The following TRPC4 variants were observed in gnomAD, a reference collection of about 807,000 sequenced individuals.
The protein encoded by TRPC4 is short transient receptor potential channel 4.
TRPC4 carries 49 observed loss-of-function variants against 99.4 expected under a neutral mutation model. The observed-to-expected ratio is 0.49, with a 90% CI of 0.39 to 0.63. The LOEUF is 0.63. Ranked by LOEUF, TRPC4 falls within the 20% of genes least tolerant of loss-of-function variation. The pLI is 0.00. For synonymous variants in TRPC4, 454 were observed against 425.9 expected (o/e 1.07, Z -0.81); for missense variants, 898 against 1,152.9 (o/e 0.78, Z 3.20).
At chr13:37,736,504 G>T (rs567185661) in intron 3 of TRPC4, among the ~76,000 whole-genome samples, 1 of 151,932 alleles carries the variant, frequency 6.6e-6, no homozygotes, top group Non-Finnish European at 1.5e-5. Flanking sequence ...AGGTTCAAAG[G>T]GCATACATAA....
intron 7 of TRPC4, among the ~76,000 whole-genome samples, chr13:37,653,301 T>C (rs1952110074): frequency 6.6e-6 from 1 of 152,166 alleles, no homozygotes; most frequent in Admixed American, 6.6e-5. Flanking sequence ...AAGCAGTCTT[T>C]AGTTGGGGCC....
At chr13:37,694,732 C>T (rs761652451) in intron 3 of TRPC4, among the ~76,000 whole-genome samples, 14 of 152,032 alleles carry the variant, frequency 9.2e-5, no homozygotes, top group Non-Finnish European at 1.9e-4. Flanking sequence ...TAAACACAGA[C>T]ACAGGGAGGT....
chr13:37,720,305 C>A (rs954460827), intron 3 of TRPC4, among the ~76,000 whole-genome samples: 10 of 152,020 alleles, frequency 6.6e-5, no homozygotes, highest in African/African-American at 2.4e-4. Flanking sequence ...CTGAAAGCAA[C>A]CACTAAAATA....
At position 37,766,832 on chromosome 13, in the gene TRPC4, G is replaced by A. The variant is rs930556056; in HGVS notation, c.378+16124C>T. 3.3e-5 allele frequency among the ~76,000 whole-genome samples: 5 copies of A among 151,386 alleles called. No homozygotes were observed. In the East Asian group the frequency reaches 9.8e-4, roughly 30 times the overall value. ...ACTGACTGTCTACTCACAGGACTAA[G>A]TGACCTTAATATGATGAAAGTGCTT... On this transcript the variant is annotated intron_variant, in intron 2 of 10. Transcript: ENST00000379705.
At position 37,701,429 on chromosome 13, in the gene TRPC4, C is replaced by T. The variant is rs555587464; in HGVS notation, c.898-9094G>A. Reference sequence around the variant, plus strand: ...TTTACAAGGATTATTGAGTAATCAGCTTCCCTCTCTCATTCTTTTTTTAAA... The same window carrying T: ...TTTACAAGGATTATTGAGTAATCAGTTTCCCTCTCTCATTCTTTTTTTAAA... On this transcript the variant is annotated intron_variant, in intron 3 of 10. Coordinates refer to ENST00000379705, the MANE Select transcript of TRPC4 (RefSeq NM_016179.4). 2.0e-5 allele frequency among the ~76,000 whole-genome samples: 3 copies of T among 152,200 alleles called. No homozygotes were observed. In the South Asian group the frequency reaches 6.2e-4, roughly 32 times the overall value.
intron 3 of TRPC4, among the ~76,000 whole-genome samples, chr13:37,694,480 T>C (rs1953843596): frequency 6.6e-6 from 1 of 152,184 alleles, no homozygotes. Flanking sequence ...AAGAACTTTC[T>C]TAGGAGAATT....
chr13:37,680,612 G>T (rs1198454579), intron 4 of TRPC4, among the ~76,000 whole-genome samples: 2 of 152,112 alleles, frequency 1.3e-5, no homozygotes, highest in African/African-American at 2.4e-5. Context: ...GACTTGCTCT[G>T]GTCTGCCCCA....
intron 2 of TRPC4, among the ~76,000 whole-genome samples, chr13:37,770,578 C>T (rs960902872): frequency 6.6e-6 from 1 of 151,472 alleles, no homozygotes; most frequent in Admixed American, 6.6e-5. Context: ...TAAGCTAGAT[C>T]TATACTTTCT....
At chr13:37,729,629 C>T (rs933567837) in intron 3 of TRPC4, among the ~76,000 whole-genome samples, 4 of 152,010 alleles carry the variant, frequency 2.6e-5, no homozygotes, top group African/African-American at 9.7e-5. Flanking sequence ...GTGGTAAATA[C>T]ATACAATGGA....
At chr13:37,864,320 C>G (rs1959594204) in intron 1 of TRPC4, among the ~76,000 whole-genome samples, 1 of 151,532 alleles carries the variant, frequency 6.6e-6, no homozygotes, top group Non-Finnish European at 1.5e-5. Flanking sequence ...CACAGTACCA[C>G]TTAAACTGAA....
chr13:37,784,104 T>TC (rs1841108091), intron 1 of TRPC4, among the ~76,000 whole-genome samples: 1 of 152,152 alleles, frequency 6.6e-6, no homozygotes, highest in Non-Finnish European at 1.5e-5. Flanking sequence ...AACATAATTA[T>TC]ATTTTTTTCT....
intron 3 of TRPC4, among the ~76,000 whole-genome samples, chr13:37,696,622 C>T (rs1009555807): frequency 9.1e-4 from 139 of 152,242 alleles, no homozygotes; most frequent in African/African-American, 3.2e-3. Flanking sequence ...AGCTGACTGC[C>T]GGGTGATTAT....
intron 1 of TRPC4, among the ~76,000 whole-genome samples, chr13:37,861,357 T>A (rs1431716156): frequency 6.6e-6 from 1 of 151,604 alleles, no homozygotes; most frequent in East Asian, 1.9e-4. Flanking sequence ...ACTATTAATC[T>A]AAAAATGGGC....
intron 3 of TRPC4, among the ~76,000 whole-genome samples, chr13:37,703,340 C>A (rs1048178444): frequency 6.6e-6 from 1 of 152,032 alleles, no homozygotes; most frequent in Non-Finnish European, 1.5e-5. Flanking sequence ...ATAAGTGGTA[C>A]AACGTCTACC....
chr13:37,708,868 A>G (rs1332848958), intron 3 of TRPC4, among the ~76,000 whole-genome samples: 1 of 151,834 alleles, frequency 6.6e-6, no homozygotes, highest in East Asian at 1.9e-4. Context: ...ACAACATCTA[A>G]CTAATCTCTA....
Position 37,782,890 on chromosome 13 carries a change from AAGAAAAG to A in TRPC4, c.378+59_378+65del. 5 of 1,346,076 alleles carry A rather than the reference AAGAAAAG, an allele frequency of 3.7e-6. No individual in the cohort carries two copies. In the Admixed American group the frequency reaches 8.2e-5, roughly 22 times the overall value. The allele number at this position is 1,346,076 out of a possible 1,614,324, so 83.4% of individuals were successfully genotyped here. On this transcript the variant is annotated intron_variant, in intron 2 of 10. Transcript: ENST00000379705. The stretch of plus-strand genomic sequence containing the variant: ...TTGAAAATCTAAAAAAAAAAAAAGA[AAGAAAAG>A]AAAAAACAAAAAACCTTCTGCAGGT...
chr13:37,747,930 C>A (rs1296500397), intron 2 of TRPC4, among the ~76,000 whole-genome samples: 2 of 152,120 alleles, frequency 1.3e-5, no homozygotes, highest in African/African-American at 4.8e-5. Context: ...TCCTTGGTCA[C>A]AAGTACTGCA....
In TRPC4 at chr13:37,635,288, G is replaced by T. The variant is rs2138503081; in HGVS notation, c.*1615C>A. On this transcript the variant is annotated 3_prime_UTR_variant, in exon 11 of 11. Transcript: ENST00000379705. ...AGTGGTGAAGGGAATGGCTCTGATG[G>T]ACACATCACAGCTCCATCATGAGCT... Among the ~76,000 whole-genome samples, 1 of 152,128 alleles carries T rather than the reference G, an allele frequency of 6.6e-6. No homozygotes were observed. The highest frequency in any genetic ancestry group is 2.1e-4 in the South Asian group (1 of 4,808).
At chr13:37,653,473 GAA>G (rs1056025094) in intron 7 of TRPC4, among the ~76,000 whole-genome samples, 6 of 152,032 alleles carry the variant, frequency 3.9e-5, no homozygotes, top group Non-Finnish European at 7.4e-5. Context: ...AAGGAAGAAA[GAA>G]AAAGAGAAAA....
Sources: allele counts gnomAD v4.1 joint callset (sites outside exome capture counted in the v4.1 genomes callset), GRCh38; gene constraint gnomAD v4.1.1; transcripts MANE v1.5; gene names NCBI Gene and HGNC (gene_info 2026-07-23, HGNC 2026-07-21).